The following MYO5A variants were observed in gnomAD, a reference collection of about 807,000 sequenced individuals.
MYO5A encodes the protein myosin VA, also known as unconventional myosin-Va.
A neutral mutation model predicts 249.7 loss-of-function variants in MYO5A; 98 were observed. That is an observed-to-expected ratio of 0.39 (90% CI 0.33 to 0.46). The LOEUF (loss-of-function observed/expected upper bound fraction) is 0.46, where lower values mean the gene tolerates loss of function less well. Among genes scored for constraint, MYO5A ranks in the 20% least tolerant of loss-of-function variants. MYO5A has a pLI of 0.98. For synonymous variants in MYO5A, 778 were observed against 810.6 expected (o/e 0.96, Z 0.68); for missense variants, 1,696 against 2,308.8 (o/e 0.73, Z 5.44).
intron 1 of MYO5A, among the ~76,000 whole-genome samples, chr15:52,434,795 C>T (rs1175662571): frequency 6.6e-6 from 1 of 152,164 alleles, no homozygotes; most frequent in East Asian, 1.9e-4. Flanking sequence ...GAACAAATCA[C>T]ATATGAAAAC....
At chr15:52,417,170 A>G (rs962562906) in intron 4 of MYO5A, among the ~76,000 whole-genome samples, 4 of 152,252 alleles carry the variant, frequency 2.6e-5, no homozygotes, top group Non-Finnish European at 4.4e-5. Context: ...AGAGAGCATC[A>G]CAACTAAGGA....
At chr15:52,336,372 A>C in intron 34 of MYO5A, 91 bp downstream of exon 34, 2 of 817,810 alleles carry the variant, frequency 2.4e-6, no homozygotes, top group Non-Finnish European at 4.1e-6. Flanking sequence ...ATTTGCATGC[A>C]AACCTCTATT....
At chr15:52,446,590 A>G (rs2075895548) in intron 1 of MYO5A, among the ~76,000 whole-genome samples, 1 of 152,188 alleles carries the variant, frequency 6.6e-6, no homozygotes, top group South Asian at 2.1e-4. Flanking sequence ...GAAGGGGGCC[A>G]CCATCCTCCA....
intron 30 of MYO5A, among the ~76,000 whole-genome samples, chr15:52,343,821 A>T (rs757446425): frequency 6.6e-6 from 1 of 152,282 alleles, no homozygotes; most frequent in African/African-American, 2.4e-5. Context: ...TTAGAGATGT[A>T]TCACATCTTA....
intron 1 of MYO5A, among the ~76,000 whole-genome samples, chr15:52,465,167 C>G (rs988365736): frequency 2.6e-5 from 4 of 152,128 alleles, no homozygotes; most frequent in Admixed American, 2.6e-4. Context: ...TTTGAGAGGG[C>G]AAATGAGTAG....
chr15:52,389,635 GT>G (rs1205516651), intron 12 of MYO5A, among the ~76,000 whole-genome samples: 11 of 152,208 alleles, frequency 7.2e-5, no homozygotes, highest in African/African-American at 2.2e-4. Flanking sequence ...AAATAAATTT[GT>G]TGTTGTTGTT....
intron 1 of MYO5A, among the ~76,000 whole-genome samples, chr15:52,449,775 G>A (rs1025763175): frequency 3.3e-5 from 5 of 152,120 alleles, no homozygotes; most frequent in East Asian, 3.9e-4. Flanking sequence ...CAAAGGAGGA[G>A]GACTGCTTGA....
chr15:52,433,187 G>C lies in MYO5A; in HGVS notation c.126C>G (p.Leu42=), dbSNP rs375324986. The part of the protein sequence containing the change: ...KPGDKVLLLH[L]EEGKDLEYHL... ...AGTGAGATCTCACCTTTCCTTCCTCGAGGTGAAGCAGGAGGACTTTATCTC... is the reference window on the plus strand; with the variant it reads ...AGTGAGATCTCACCTTTCCTTCCTCCAGGTGAAGCAGGAGGACTTTATCTC... The change falls in exon 2 of 42, where the codon CTC becomes CTG. Residue 42 remains leucine, a synonymous_variant. Transcript: ENST00000399233. 2 of 1,602,628 alleles carry C rather than the reference G, an allele frequency of 1.2e-6. No individual in the cohort carries two copies. The highest frequency in any genetic ancestry group is 1.1e-5 in the South Asian group (1 of 90,836).
intron 14 of MYO5A, among the ~76,000 whole-genome samples, chr15:52,386,180 G>GCATC (rs2041964683): frequency 6.6e-6 from 1 of 152,018 alleles, no homozygotes; most frequent in Non-Finnish European, 1.5e-5. Flanking sequence ...ATGGTGGCAT[G>GCATC]CATCTGTAGT....
chr15:52,505,621 G>A, intron 1 of MYO5A: 2 of 1,366,226 alleles, frequency 1.5e-6, no homozygotes, highest in Non-Finnish European at 2.1e-6. Flanking sequence ...CATCTTATTA[G>A]ATGTGAAATC....
intron 1 of MYO5A, among the ~76,000 whole-genome samples, chr15:52,511,545 T>C (rs764766824): frequency 6.6e-6 from 1 of 152,210 alleles, no homozygotes; most frequent in Non-Finnish European, 1.5e-5. Context: ...GCTTGACAAA[T>C]CTTGAGTGCC....
chr15:52,318,975 G>A, intron 39 of MYO5A, 85 bp downstream of exon 39: 1 of 1,525,006 alleles, frequency 6.6e-7, no homozygotes, highest in Non-Finnish European at 8.9e-7. Flanking sequence ...TGCAAGAACT[G>A]AAAACAAGTC....
intron 34 of MYO5A, among the ~76,000 whole-genome samples, chr15:52,331,337 TA>T (rs951773607): frequency 2.2e-4 from 32 of 147,600 alleles, no homozygotes; most frequent in African/African-American, 3.0e-4. Context: ...TGCTAAAGGT[TA>T]AAAAAAAAAG....
chr15:52,376,589 A>T, intron 18 of MYO5A, 31 bp from the exon 19 acceptor site: 1 of 1,571,146 alleles, frequency 6.4e-7, no homozygotes, highest in South Asian at 1.1e-5. Flanking sequence ...ATATTCAGAA[A>T]TAATAATCAT....
chr15:52,451,744 T>C (rs148035558), intron 1 of MYO5A, among the ~76,000 whole-genome samples: 34 of 152,354 alleles, frequency 2.2e-4, no homozygotes, highest in African/African-American at 7.9e-4. Context: ...TCACTTGTTT[T>C]CTGACTGACT....
intron 1 of MYO5A, among the ~76,000 whole-genome samples, chr15:52,512,304 C>T (rs1398997501): frequency 4.6e-5 from 7 of 151,794 alleles, no homozygotes; most frequent in Admixed American, 1.3e-4. Context: ...CACACAAAGG[C>T]TTTGGTTATC....
intron 25 of MYO5A, 77 bp downstream of exon 25, chr15:52,359,891 G>A: frequency 9.9e-7 from 1 of 1,012,554 alleles, no homozygotes; most frequent in Non-Finnish European, 1.5e-6. Context: ...ATTGGAGTCT[G>A]CTTTGCAATG....
At chr15:52,322,005 G>A (rs1018416860) in intron 37 of MYO5A, among the ~76,000 whole-genome samples, 5 of 152,092 alleles carry the variant, frequency 3.3e-5, no homozygotes, top group African/African-American at 7.2e-5. Flanking sequence ...ACTCTATTTC[G>A]TAGTACCCAC....
At position 52,367,117 on chromosome 15, in the gene MYO5A, G is replaced by A. The variant is rs770893574; in HGVS notation, c.3074C>T (p.Ser1025Leu). 13 of 1,612,976 alleles carry A rather than the reference G, an allele frequency of 8.1e-6. No homozygotes were observed. In the Middle Eastern group the frequency reaches 1.8e-3, roughly 225 times the overall value. The part of the protein sequence containing the change: ...RYKQETEQLV[S>L]NLKEENTLLK... ...CAAAGTATTTTCTTCCTTCAGATTT[G>A]ATACCAGCTACGAAATGAAACAATA... Residue 1025 changes from serine to leucine, a missense_variant, in exon 23 of 42, where the codon TCA (serine) becomes TTA (leucine). Around this residue, in one of 5 missense-constraint regions of MYO5A, gnomAD observed 412 missense variants for 453.3 expected, o/e 0.91. Transcript: ENST00000399233.
Sources: gnomAD v4.1 joint callset for allele counts (sites outside exome capture counted in the v4.1 genomes callset) on GRCh38, gnomAD v4.1.1 for gene constraint, gnomAD v4.1.1 regional missense constraint, MANE v1.5 for transcripts, NCBI Gene and HGNC (gene_info 2026-07-23, HGNC 2026-07-21) for gene names.